Variants in AGMO observed in about 807,000 individuals in gnomAD.
AGMO encodes the protein glyceryl-ether monooxygenase.
A neutral mutation model predicts 60.2 loss-of-function variants in AGMO; 75 were observed. That is an observed-to-expected ratio of 1.25 (90% CI 1.03 to 1.51). The LOEUF is 1.51. Ranked by LOEUF, AGMO falls within the 40% of genes most tolerant of loss-of-function variation. The probability of loss-of-function intolerance (pLI) is 0.00; values close to 1 mark genes in which losing one functional copy is unlikely to be tolerated. For synonymous variants in AGMO, 261 were observed against 177.1 expected, an observed-to-expected ratio of 1.47 and a Z score of -3.76; for missense variants, 763 against 525.5, an observed-to-expected ratio of 1.45 and a Z score of -4.42.
At chr7:15,372,947 T>C (rs762100468) in intron 10 of AGMO, among the ~76,000 whole-genome samples, 5 of 152,136 alleles carry the variant, frequency 3.3e-5, no homozygotes, top group Non-Finnish European at 5.9e-5. Flanking sequence ...GGCAATAAAT[T>C]ATTTTTCCTT....
At chr7:15,382,585 G>A (rs1035668216) in intron 10 of AGMO, among the ~76,000 whole-genome samples, 3 of 152,154 alleles carry the variant, frequency 2.0e-5, no homozygotes, top group African/African-American at 7.2e-5. Flanking sequence ...TGAATTTGCT[G>A]CCTTTGGTCA....
At chr7:15,321,286 C>G (rs1232927498) in intron 12 of AGMO, among the ~76,000 whole-genome samples, 1 of 152,132 alleles carries the variant, frequency 6.6e-6, no homozygotes, top group Non-Finnish European at 1.5e-5. Flanking sequence ...GGGGCTGCCA[C>G]AAACCCCAAA....
At chr7:15,233,995 C>T (rs1036939200) in intron 12 of AGMO, among the ~76,000 whole-genome samples, 2 of 152,170 alleles carry the variant, frequency 1.3e-5, no homozygotes, top group Admixed American at 6.5e-5. Context: ...TGCAGTGAGC[C>T]GAGATGGCGC....
chr7:15,191,507 G>A, the AGMO span, among the ~76,000 whole-genome samples: 1 of 152,126 alleles, frequency 6.6e-6, no homozygotes, highest in East Asian at 1.9e-4. Flanking sequence ...CCAGTCAGAT[G>A]ACATAGTTGA....
intron 3 of AGMO, among the ~76,000 whole-genome samples, chr7:15,486,226 G>C (rs1359386701): frequency 6.6e-6 from 1 of 152,146 alleles, no homozygotes; most frequent in Non-Finnish European, 1.5e-5. Flanking sequence ...AGCAAGCTCA[G>C]TGGGTCCAGG....
At chr7:15,477,968 T>C (rs933230876) in intron 3 of AGMO, among the ~76,000 whole-genome samples, 27 of 152,158 alleles carry the variant, frequency 1.8e-4, no homozygotes, top group African/African-American at 5.8e-4. Context: ...CTTTTCTTAC[T>C]TGTAGAGAAT....
At chr7:15,509,452 G>T (rs1300590056) in intron 3 of AGMO, among the ~76,000 whole-genome samples, 1 of 151,718 alleles carries the variant, frequency 6.6e-6, no homozygotes, top group Non-Finnish European at 1.5e-5. Context: ...TTAAAAACTT[G>T]AATTTAAGAC....
the AGMO span, among the ~76,000 whole-genome samples, chr7:15,192,998 T>G: frequency 2.6e-4 from 39 of 152,372 alleles, no homozygotes; most frequent in Admixed American, 2.5e-3. Flanking sequence ...CTTAGTCACT[T>G]CTATCTTTAA....
the AGMO span, among the ~76,000 whole-genome samples, chr7:15,168,600 CT>C: frequency 6.6e-6 from 1 of 152,176 alleles, no homozygotes; most frequent in East Asian, 1.9e-4. Flanking sequence ...TCTGCATTGG[CT>C]AATAACATAC....
At chr7:15,157,168 C>A in the AGMO span, among the ~76,000 whole-genome samples, 5 of 152,112 alleles carry the variant, frequency 3.3e-5, no homozygotes, top group African/African-American at 4.8e-5. Context: ...CAAAAAAACA[C>A]CCTACCTTAT....
At chr7:15,473,131 T>C (rs1782492305) in intron 3 of AGMO, among the ~76,000 whole-genome samples, 1 of 151,796 alleles carries the variant, frequency 6.6e-6, no homozygotes, top group Non-Finnish European at 1.5e-5. Context: ...TCTACGCAAA[T>C]AAACTAGAAA....
intron 3 of AGMO, 90 bp downstream of exon 3, chr7:15,544,682 T>G: frequency 9.4e-7 from 1 of 1,060,092 alleles, no homozygotes; most frequent in Non-Finnish European, 1.3e-6. Context: ...ATTCCTGTAT[T>G]TATCCATTCA....
At position 15,550,702 on chromosome 7, in the gene AGMO, G is replaced by C. The variant is rs1451472498; in HGVS notation, c.258-5779C>G. 1.9e-3 allele frequency among the ~76,000 whole-genome samples: 270 copies of C among 140,122 alleles called. 1 individual carries two copies. The highest frequency in any genetic ancestry group is 7.1e-3 in the African/African-American group (262 of 36,826). 91.9% of individuals were successfully genotyped at this position (140,122 alleles called of 152,430 possible). On this transcript the variant is annotated intron_variant, in intron 2 of 12. Coordinates refer to ENST00000342526, the MANE Select transcript of AGMO (RefSeq NM_001004320.2). The stretch of plus-strand genomic sequence containing the variant: ...AGTTTACCAACCAAAAAGAGTCCAG[G>C]ACCAGATGGATTCACAGCCGAATTC...
chr7:15,304,217 G>C (rs910221572), intron 12 of AGMO, among the ~76,000 whole-genome samples: 8 of 151,992 alleles, frequency 5.3e-5, no homozygotes, highest in African/African-American at 1.9e-4. Context: ...TAAATGTCTT[G>C]ACCTACATAA....
chr7:15,561,765 T>C lies in AGMO; in HGVS notation c.81A>G (p.Glu27=), dbSNP rs1733056980. ...CCTCTTCTAATGTTTGGAATGAAGT[T>C]TCACTGGGTTTCATCGTGTAAAACA... ...RMLFYTMKPS[E]TSFQTLEEVP... is the part of the protein sequence containing the mutation. Residue 27 remains glutamate (E), a synonymous_variant, in exon 1 of 13, where the codon GAA becomes GAG. Coordinates refer to ENST00000342526, the MANE Select transcript of AGMO (RefSeq NM_001004320.2). 1 of 1,611,964 alleles carries C rather than the reference T, an allele frequency of 6.2e-7. No homozygotes were observed. Among genetic ancestry groups the C allele is most frequent in the Non-Finnish European group, 8.5e-7 (1 of 1,178,732 alleles).
intron 12 of AGMO, among the ~76,000 whole-genome samples, chr7:15,255,512 T>C (rs1783067741): frequency 7.4e-6 from 1 of 135,908 alleles, no homozygotes. Context: ...GCATTGCCTG[T>C]CTCCAAAGCC....
At chr7:15,433,298 T>C (rs1190886800) in intron 3 of AGMO, among the ~76,000 whole-genome samples, 2 of 152,086 alleles carry the variant, frequency 1.3e-5, no homozygotes, top group Non-Finnish European at 2.9e-5. Context: ...GATCTGTCTT[T>C]CTAGTTGTTT....
At chr7:15,461,009 T>C (rs1441053786) in intron 3 of AGMO, among the ~76,000 whole-genome samples, 1 of 152,160 alleles carries the variant, frequency 6.6e-6, no homozygotes, top group Admixed American at 6.6e-5. Flanking sequence ...GTGGGCCTAC[T>C]GTGTGACCTA....
Position 15,551,012 on chromosome 7 carries a change from T to C in AGMO, c.258-6089A>G, listed in dbSNP as rs1278162336. 1.4e-3 allele frequency among the ~76,000 whole-genome samples: 198 copies of C among 144,400 alleles called. 1 individual carries two copies. The highest frequency in any genetic ancestry group is 4.8e-3 in the African/African-American group (184 of 38,252). 94.7% of individuals were successfully genotyped at this position (144,400 alleles called of 152,430 possible). On this transcript the variant is annotated intron_variant, in intron 2 of 12. Transcript: ENST00000342526. ...TCCCTGGGATGCAAGGCTGGTTCAA[T>C]ATACGCAAATCAATAAATGTAATCC...
Sources: gnomAD v4.1 joint callset for allele counts (sites outside exome capture counted in the v4.1 genomes callset) on GRCh38, gnomAD v4.1.1 for gene constraint, MANE v1.5 for transcripts, NCBI Gene and HGNC (gene_info 2026-07-23, HGNC 2026-07-21) for gene names.